Variants in LYPLAL1 observed in about 807,000 individuals in gnomAD.
The protein encoded by LYPLAL1 is lysophospholipase-like protein 1.
A neutral mutation model predicts 19.7 loss-of-function variants in LYPLAL1; 23 were observed. The observed-to-expected ratio is 1.17, with a 90% CI of 0.84 to 1.65. The LOEUF is 1.65. Among genes scored for constraint, LYPLAL1 ranks in the 40% most tolerant of loss-of-function variants. The probability of loss-of-function intolerance (pLI) is 0.00; values close to 1 mark genes in which losing one functional copy is unlikely to be tolerated. For synonymous variants in LYPLAL1, 119 were observed against 96.3 expected, an observed-to-expected ratio of 1.24 and a Z score of -1.38; for missense variants, 355 against 279.4, an observed-to-expected ratio of 1.27 and a Z score of -1.93.
At chr1:219,266,255 T>A in the LYPLAL1 span, among the ~76,000 whole-genome samples, 1 of 152,152 alleles carries the variant, frequency 6.6e-6, no homozygotes, top group Non-Finnish European at 1.5e-5. Flanking sequence ...ATAAGCTTTT[T>A]TCTATTTTTA....
the LYPLAL1 span, chr1:219,409,482 TAAAC>T: frequency 7.5e-5 from 2 of 26,772 alleles, no homozygotes; most frequent in Non-Finnish European, 2.4e-4. Context: ...TTTATTATAT[TAAAC>T]AACCTGAAAA....
chr1:219,295,422 A>T, the LYPLAL1 span, among the ~76,000 whole-genome samples: 1 of 152,162 alleles, frequency 6.6e-6, no homozygotes, highest in South Asian at 2.1e-4. Context: ...TTTAGCTCTG[A>T]AGTCATGAAT....
At chr1:219,293,238 C>T in the LYPLAL1 span, among the ~76,000 whole-genome samples, 2 of 151,776 alleles carry the variant, frequency 1.3e-5, no homozygotes, top group Middle Eastern at 3.2e-3. Context: ...CATTTCTGGT[C>T]TCCGCAAACC....
At chr1:219,174,931 G>T (rs1655688213) in intron 1 of LYPLAL1, 1 of 985,368 alleles carries the variant, frequency 1.0e-6, no homozygotes, top group Non-Finnish European at 1.2e-6. Flanking sequence ...AATTGTAAGA[G>T]AAAAAAATGT....
At chr1:219,429,347 C>T in the LYPLAL1 span, among the ~76,000 whole-genome samples, 1 of 152,176 alleles carries the variant, frequency 6.6e-6, no homozygotes, top group Non-Finnish European at 1.5e-5. Flanking sequence ...TTCATGATAT[C>T]ACCCAGTGAC....
chr1:219,350,554 C>T, the LYPLAL1 span, among the ~76,000 whole-genome samples: 2 of 152,194 alleles, frequency 1.3e-5, no homozygotes, highest in Non-Finnish European at 2.9e-5. Flanking sequence ...TTCAGGGAAA[C>T]ATTGAGCATT....
At chr1:219,199,108 A>C (rs1279981614) in intron 3 of LYPLAL1, among the ~76,000 whole-genome samples, 1 of 152,218 alleles carries the variant, frequency 6.6e-6, no homozygotes, top group Non-Finnish European at 1.5e-5. Flanking sequence ...TTCAGTGAAA[A>C]AAAGCATTTA....
the LYPLAL1 span, among the ~76,000 whole-genome samples, chr1:219,358,565 G>A: frequency 6.6e-6 from 1 of 152,114 alleles, no homozygotes; most frequent in Non-Finnish European, 1.5e-5. Context: ...TGGCAGAAGG[G>A]GAAGCAGGCA....
At chr1:219,357,427 C>T in the LYPLAL1 span, among the ~76,000 whole-genome samples, 1 of 152,028 alleles carries the variant, frequency 6.6e-6, no homozygotes, top group African/African-American at 2.4e-5. Flanking sequence ...ATATGGATGA[C>T]AAATAGCATA....
At chr1:219,322,668 T>C in the LYPLAL1 span, among the ~76,000 whole-genome samples, 1 of 152,272 alleles carries the variant, frequency 6.6e-6, no homozygotes, top group African/African-American at 2.4e-5. Context: ...TGAGCTTAAA[T>C]TGTGCGATGC....
At chr1:219,291,172 T>C in the LYPLAL1 span, among the ~76,000 whole-genome samples, 3 of 152,176 alleles carry the variant, frequency 2.0e-5, no homozygotes, top group African/African-American at 7.2e-5. Context: ...TGGTGTTTGT[T>C]GACAGAAAAA....
chr1:219,376,880 T>C, the LYPLAL1 span, among the ~76,000 whole-genome samples: 1 of 152,182 alleles, frequency 6.6e-6, no homozygotes, highest in Admixed American at 6.5e-5. Context: ...ACACTGCTAG[T>C]ACAAATATAA....
chr1:219,223,245 C>T, the LYPLAL1 span: 1 of 151,990 alleles, frequency 6.6e-6, no homozygotes, highest in East Asian at 1.9e-4. Context: ...GGATGTCTTC[C>T]CTCAGCCTAC....
At chr1:219,304,811 A>G in the LYPLAL1 span, among the ~76,000 whole-genome samples, 53,549 of 152,038 alleles carry the variant, frequency 0.35, 9,745 homozygotes, top group Non-Finnish European at 0.39. Flanking sequence ...GAGGGAATTA[A>G]AGGCTAGTCT....
At chr1:219,248,627 G>A in the LYPLAL1 span, among the ~76,000 whole-genome samples, 28 of 152,150 alleles carry the variant, frequency 1.8e-4, no homozygotes, top group African/African-American at 6.3e-4. Flanking sequence ...TGTTGGTAAC[G>A]ATTATTTCAG....
At chr1:219,341,636 T>G in the LYPLAL1 span, among the ~76,000 whole-genome samples, 1 of 152,102 alleles carries the variant, frequency 6.6e-6, no homozygotes, top group Non-Finnish European at 1.5e-5. Context: ...TTATTAAAAA[T>G]CTAATGAAAA....
the LYPLAL1 span, among the ~76,000 whole-genome samples, chr1:219,263,417 C>T: frequency 6.6e-6 from 1 of 152,164 alleles, no homozygotes; most frequent in Non-Finnish European, 1.5e-5. Context: ...AGGTTACAAG[C>T]CTGCCACTGA....
the LYPLAL1 span, among the ~76,000 whole-genome samples, chr1:219,277,984 G>A: frequency 4.7e-3 from 718 of 152,222 alleles, 8 homozygotes; most frequent in African/African-American, 0.016. Flanking sequence ...GATGGCAAAC[G>A]TACAACTTTA....
chr1:219,222,956 C>T, the LYPLAL1 span: 1 of 152,062 alleles, frequency 6.6e-6, no homozygotes, highest in South Asian at 2.1e-4. Context: ...CTAATGTATT[C>T]TTGAGGGCAG....
Sources: allele counts gnomAD v4.1 joint callset (sites outside exome capture counted in the v4.1 genomes callset), GRCh38; gene constraint gnomAD v4.1.1; transcripts MANE v1.5; gene names NCBI Gene and HGNC (gene_info 2026-07-23, HGNC 2026-07-21).